MMP26: variants seen among roughly 807,000 people sequenced by gnomAD.
MMP26 encodes the protein matrix metallopeptidase 26.
A neutral mutation model predicts 31.0 loss-of-function variants in MMP26; 33 were observed. That is an observed-to-expected ratio of 1.06 (90% CI 0.81 to 1.42). The LOEUF is 1.42. Ranked by LOEUF, MMP26 falls within the 40% of genes most tolerant of loss-of-function variation. The probability of loss-of-function intolerance (pLI) is 0.00; values close to 1 mark genes in which losing one functional copy is unlikely to be tolerated. For missense variants in MMP26, 347 were observed against 316.1 expected (o/e 1.10, Z -0.74); for synonymous variants, 122 against 114.9 (o/e 1.06, Z -0.40).
chr11:4,785,621 T>A (rs747211401), intron 2 of MMP26, among the ~76,000 whole-genome samples: 1 of 152,210 alleles, frequency 6.6e-6, no homozygotes, highest in Non-Finnish European at 1.5e-5. Flanking sequence ...TTCATAATTA[T>A]CATTACAAAT....
At chr11:4,801,530 T>G (rs149590725) in intron 2 of MMP26, among the ~76,000 whole-genome samples, 7 of 134,250 alleles carry the variant, frequency 5.2e-5, no homozygotes, top group African/African-American at 1.3e-4. Flanking sequence ...ATTTATTTAT[T>G]TATTTATTTA....
chr11:4,964,480 C>A (rs1846563588), intron 2 of MMP26, among the ~76,000 whole-genome samples: 1 of 151,948 alleles, frequency 6.6e-6, no homozygotes, highest in East Asian at 1.9e-4. Context: ...TGTGTCTGTT[C>A]TTGTACCAGT....
chr11:4,715,035 G>A (rs1398401047), intron 1 of MMP26, among the ~76,000 whole-genome samples: 1 of 151,852 alleles, frequency 6.6e-6, no homozygotes, highest in East Asian at 1.9e-4. Context: ...AGGCAACACA[G>A]CATGTTTTAA....
chr11:4,962,456 G>A lies in MMP26; in HGVS notation c.-144-25612G>A, dbSNP rs74783879. Among the ~76,000 whole-genome samples the A allele has an allele frequency of 9.6e-3, 1,457 of 152,176 alleles. 39 individuals carry two copies. The highest frequency in any genetic ancestry group is 0.026 in the East Asian group (132 of 5,176). On this transcript the variant is annotated intron_variant, in intron 2 of 7. Coordinates refer to ENST00000380390, the MANE Select transcript of MMP26 (RefSeq NM_021801.5). Reference sequence around the variant, plus strand: ...CAAATATTTAAACCTGATTAGAAGCGTGCTGGGTTAGGACAGATGATAGAG... The same window carrying A: ...CAAATATTTAAACCTGATTAGAAGCATGCTGGGTTAGGACAGATGATAGAG...
chr11:4,865,648 T>C (rs1241744212), intron 2 of MMP26, among the ~76,000 whole-genome samples: 3 of 151,654 alleles, frequency 2.0e-5, no homozygotes, highest in African/African-American at 7.3e-5. Flanking sequence ...GTAGCAGGAG[T>C]AGGAGTAGTA....
rs944791879 is a variant in MMP26 at position 4,975,813 on chromosome 11, CT to C, written c.-144-12252del. ...TTCTCTAGCGAACATTCTCCCAAAA[CT>C]TTGTGTTGCCAAGATGTTGGTATTG... On this transcript the variant is annotated intron_variant, in intron 2 of 7. Transcript: ENST00000380390. Among the ~76,000 whole-genome samples the C allele has an allele frequency of 7.9e-5, 12 of 152,064 alleles. 1 individual carries two copies. The highest frequency in any genetic ancestry group is 2.7e-4 in the African/African-American group (11 of 41,428).
intron 2 of MMP26, among the ~76,000 whole-genome samples, chr11:4,953,478 A>C (rs1824043): frequency 0.98 from 120,486 of 122,496 alleles, 59,678 homozygotes; most frequent in Middle Eastern, 1. Context: ...AAGAATAAAC[A>C]AGTAATAAAA....
At position 4,791,815 on chromosome 11, in the gene MMP26, T is replaced by C. The variant is rs1849032214; in HGVS notation, c.-145+24474T>C. ...AGTGTTGGGTTCCAGATTTCTTTTT[T>C]CTCAGATTCCTGCTTCCCAGTAGGA... is the stretch of plus-strand genomic sequence containing the variant. On this transcript the variant is annotated intron_variant, in intron 2 of 7. Transcript: ENST00000380390. Among the ~76,000 whole-genome samples, 3 of 152,074 alleles carry C rather than the reference T, an allele frequency of 2.0e-5. No homozygotes were observed. In the South Asian group the frequency reaches 6.2e-4, roughly 31 times the overall value.
At chr11:4,910,833 TA>T (rs35562013) in intron 2 of MMP26, among the ~76,000 whole-genome samples, 21,363 of 149,674 alleles carry the variant, frequency 0.14, 1,742 homozygotes, top group Middle Eastern at 0.26. Flanking sequence ...CATCATGGAA[TA>T]AAAAAAAAAC....
intron 2 of MMP26, among the ~76,000 whole-genome samples, chr11:4,961,118 C>T (rs1425957768): frequency 6.6e-6 from 1 of 152,176 alleles, no homozygotes; most frequent in Non-Finnish European, 1.5e-5. Flanking sequence ...GCCGAGATCT[C>T]AAGAAATTTT....
At chr11:4,765,325 T>C (rs1848615355) in intron 1 of MMP26, among the ~76,000 whole-genome samples, 1 of 152,222 alleles carries the variant, frequency 6.6e-6, no homozygotes, top group African/African-American at 2.4e-5. Flanking sequence ...TGTTCAGAAC[T>C]GCACCACATT....
chr11:4,963,106 C>G (rs1846543669), intron 2 of MMP26, among the ~76,000 whole-genome samples: 1 of 152,042 alleles, frequency 6.6e-6, no homozygotes, highest in African/African-American at 2.4e-5. Context: ...AAACAGAGAG[C>G]CAAATCATGA....
At chr11:4,811,148 C>T (rs1849344269) in intron 2 of MMP26, among the ~76,000 whole-genome samples, 1 of 152,158 alleles carries the variant, frequency 6.6e-6, no homozygotes, top group Non-Finnish European at 1.5e-5. Context: ...ATCAGGCTGA[C>T]ATTGTACATT....
intron 2 of MMP26, chr11:4,821,941 A>T: frequency 5.6e-6 from 9 of 1,613,912 alleles, no homozygotes; most frequent in Non-Finnish European, 7.6e-6. Context: ...CTGCAGTTCT[A>T]TGGTCCTTTC....
At chr11:4,836,121 A>G (rs1849716133) in intron 2 of MMP26, among the ~76,000 whole-genome samples, 1 of 152,230 alleles carries the variant, frequency 6.6e-6, no homozygotes, top group Non-Finnish European at 1.5e-5. Flanking sequence ...CTATAAATAT[A>G]ATTTAACACC....
chr11:4,933,312 G>T (rs10500623), intron 2 of MMP26, among the ~76,000 whole-genome samples: 4 of 151,918 alleles, frequency 2.6e-5, no homozygotes, highest in Non-Finnish European at 5.9e-5. Flanking sequence ...GCTCGCAACC[G>T]GTATGAAGTA....
intron 2 of MMP26, among the ~76,000 whole-genome samples, chr11:4,855,165 C>G (rs886203452): frequency 6.6e-6 from 1 of 152,100 alleles, no homozygotes; most frequent in Non-Finnish European, 1.5e-5. Context: ...CTCTTCTACC[C>G]CAAAGGAACA....
intron 2 of MMP26, among the ~76,000 whole-genome samples, chr11:4,942,670 T>G (rs1171804523): frequency 6.6e-6 from 1 of 152,180 alleles, no homozygotes. Flanking sequence ...AAGTGTGTTT[T>G]TAAGTTCTGA....
At position 4,807,952 on chromosome 11, in the gene MMP26, G is replaced by A. The variant is rs189863921; in HGVS notation, c.-145+40611G>A. Among the ~76,000 whole-genome samples, 712 of 151,978 alleles carry A rather than the reference G, an allele frequency of 4.7e-3. 24 individuals carry two copies. The highest frequency in any genetic ancestry group is 0.044 in the Admixed American group (664 of 15,262). On this transcript the variant is annotated intron_variant, in intron 2 of 7. Transcript: ENST00000380390. ...TCTGGGTAGCTGGAACTACAGATAC[G>A]CACCACAACGCCCAGCAAATTTTTT... is the stretch of plus-strand genomic sequence containing the variant.
Sources: allele counts gnomAD v4.1 joint callset (sites outside exome capture counted in the v4.1 genomes callset), GRCh38; gene constraint gnomAD v4.1.1; transcripts MANE v1.5; gene names NCBI Gene and HGNC (gene_info 2026-07-23, HGNC 2026-07-21).